The following EPHB1 variants were observed in gnomAD, a reference collection of about 807,000 sequenced individuals.
EPHB1 encodes ephrin type-B receptor 1.
Under a neutral mutation model 94.4 loss-of-function variants are expected in EPHB1, and 30 were observed. The ratio of observed to expected loss-of-function variants is 0.32; its 90% CI spans 0.24 to 0.43. The LOEUF is 0.43. Ranked by LOEUF, EPHB1 falls within the 20% of genes least tolerant of loss-of-function variation. The pLI is 1.00. For missense variants in EPHB1, 1,055 were observed against 1,308.3 expected (o/e 0.81, Z 2.99); for synonymous variants, 522 against 489.1 (o/e 1.07, Z -0.89).
intron 1 of EPHB1, among the ~76,000 whole-genome samples, chr3:134,877,278 A>G (rs2037636011): frequency 6.6e-6 from 1 of 152,214 alleles, no homozygotes; most frequent in Non-Finnish European, 1.5e-5. Context: ...CCTTAGCTTC[A>G]GATGGTAATG....
chr3:134,811,643 G>C (rs1322199583), intron 1 of EPHB1, among the ~76,000 whole-genome samples: 1 of 151,312 alleles, frequency 6.6e-6, no homozygotes, highest in Admixed American at 6.6e-5. Context: ...GAGGCCCTTT[G>C]GTGGGCCACA....
At chr3:135,039,624 C>T (rs1237101498) in intron 3 of EPHB1, among the ~76,000 whole-genome samples, 7 of 152,346 alleles carry the variant, frequency 4.6e-5, no homozygotes, top group African/African-American at 1.7e-4. Context: ...CGCCAGTGGG[C>T]CGGCACTGCT....
At chr3:135,208,923 A>T (rs1012089444) in intron 12 of EPHB1, among the ~76,000 whole-genome samples, 4 of 152,188 alleles carry the variant, frequency 2.6e-5, no homozygotes, top group African/African-American at 9.7e-5. Context: ...GGAGAGGGAA[A>T]ATGTGAGATG....
intron 1 of EPHB1, among the ~76,000 whole-genome samples, chr3:134,897,316 A>G (rs2038106076): frequency 6.9e-6 from 1 of 144,710 alleles, no homozygotes; most frequent in South Asian, 2.5e-4. Flanking sequence ...TCTCCTGGCA[A>G]TGTCATTCTT....
chr3:135,104,371 A>G (rs1283177519), intron 3 of EPHB1, among the ~76,000 whole-genome samples: 3 of 152,246 alleles, frequency 2.0e-5, no homozygotes, highest in Non-Finnish European at 4.4e-5. Flanking sequence ...TACTTTTGCC[A>G]TTCAGAGCTT....
At chr3:135,008,785 C>T (rs930108780) in intron 3 of EPHB1, among the ~76,000 whole-genome samples, 1 of 152,184 alleles carries the variant, frequency 6.6e-6, no homozygotes, top group Non-Finnish European at 1.5e-5. Flanking sequence ...AAGGCTTGAC[C>T]ACCACCTAGC....
chr3:134,844,444 G>T (rs1454593192), intron 1 of EPHB1, among the ~76,000 whole-genome samples: 1 of 152,118 alleles, frequency 6.6e-6, no homozygotes, highest in Non-Finnish European at 1.5e-5. Flanking sequence ...GACTTAATTG[G>T]GTATGTGCAC....
At chr3:135,163,427 T>G (rs1277675223) in intron 7 of EPHB1, among the ~76,000 whole-genome samples, 1 of 152,310 alleles carries the variant, frequency 6.6e-6, no homozygotes, top group Non-Finnish European at 1.5e-5. Flanking sequence ...TTGCAATCTA[T>G]TGTGAGTTTA....
At chr3:134,935,800 C>A (rs1300915835) in intron 2 of EPHB1, among the ~76,000 whole-genome samples, 2 of 147,704 alleles carry the variant, frequency 1.4e-5, no homozygotes, top group African/African-American at 2.5e-5. Context: ...AGAGAGCACA[C>A]CCTGTTATTA....
intron 10 of EPHB1, among the ~76,000 whole-genome samples, chr3:135,190,854 C>T (rs1346546057): frequency 1.3e-5 from 2 of 152,178 alleles, no homozygotes; most frequent in African/African-American, 4.8e-5. Flanking sequence ...ATGTGCCAAG[C>T]ACCACAGTGG....
At chr3:135,177,092 G>A (rs1298136751) in intron 9 of EPHB1, among the ~76,000 whole-genome samples, 1 of 152,050 alleles carries the variant, frequency 6.6e-6, no homozygotes, top group Non-Finnish European at 1.5e-5. Flanking sequence ...TAGGTATGTC[G>A]TCAGCAATAT....
intron 1 of EPHB1, among the ~76,000 whole-genome samples, chr3:134,799,160 A>C (rs893685301): frequency 7.2e-5 from 11 of 152,230 alleles, no homozygotes; most frequent in African/African-American, 2.7e-4. Context: ...TAGGGCACTG[A>C]ATTTCACTGT....
At chr3:135,171,781 T>A (rs1170155328) in intron 9 of EPHB1, among the ~76,000 whole-genome samples, 3 of 152,216 alleles carry the variant, frequency 2.0e-5, no homozygotes, top group Admixed American at 6.5e-5. Context: ...TATTGCACAC[T>A]TACTCTGTTA....
At chr3:134,954,814 G>C (rs1028294341) in intron 3 of EPHB1, among the ~76,000 whole-genome samples, 3 of 152,252 alleles carry the variant, frequency 2.0e-5, no homozygotes, top group African/African-American at 2.4e-5. Flanking sequence ...CTGTGAAACC[G>C]TCTCCTGTCA....
At chr3:134,987,094 C>A (rs533072100) in intron 3 of EPHB1, among the ~76,000 whole-genome samples, 1 of 152,142 alleles carries the variant, frequency 6.6e-6, no homozygotes, top group Admixed American at 6.5e-5. Context: ...ATACTGGGCA[C>A]TCACTATTCC....
At chr3:134,894,662 A>G (rs1412200653) in intron 1 of EPHB1, among the ~76,000 whole-genome samples, 6 of 152,350 alleles carry the variant, frequency 3.9e-5, no homozygotes, top group African/African-American at 1.2e-4. Flanking sequence ...CTGATATAGC[A>G]GACCAGCCAG....
intron 1 of EPHB1, among the ~76,000 whole-genome samples, chr3:134,882,807 T>TTTCTTTCTTTCTTTCC: frequency 1.3e-5 from 1 of 77,426 alleles, no homozygotes; most frequent in African/African-American, 4.5e-5. Flanking sequence ...TCTTTCTTTC[T>TTTCTTTCTTTCTTTCC]TTCTTTCTTT....
intron 2 of EPHB1, among the ~76,000 whole-genome samples, chr3:134,935,330 A>G (rs533638337): frequency 1.4e-3 from 210 of 152,376 alleles, no homozygotes; most frequent in Non-Finnish European, 2.1e-3. Context: ...CAGGGTTGTC[A>G]GAAGAAAGAT....
chr3:135,031,933 G>T lies in EPHB1; in HGVS notation c.806-74515G>T, dbSNP rs73864229. On this transcript the variant is annotated intron_variant, in intron 3 of 15. Transcript: ENST00000398015. ...TACATTGATTTGGCTTCTTCTGCTT[G>T]TCAGTGCTGCTGTTGGGAAAGCCAG... is the stretch of plus-strand genomic sequence containing the variant. Among the ~76,000 whole-genome samples, 699 of 151,964 alleles carry T rather than the reference G, an allele frequency of 4.6e-3. 3 individuals carry two copies. Among genetic ancestry groups the T allele is most frequent in the African/African-American group, 0.016 (670 of 41,434 alleles).
Sources: gnomAD v4.1 joint callset for allele counts (sites outside exome capture counted in the v4.1 genomes callset) on GRCh38, gnomAD v4.1.1 for gene constraint, MANE v1.5 for transcripts, NCBI Gene and HGNC (gene_info 2026-07-23, HGNC 2026-07-21) for gene names.